The following IST1 variants were observed in gnomAD, a reference collection of about 807,000 sequenced individuals.
IST1 encodes the protein IST1 factor associated with ESCRT-III.
IST1 carries 23 observed loss-of-function variants against 37.0 expected under a neutral mutation model. That is an observed-to-expected ratio of 0.62 (90% CI 0.45 to 0.88). The LOEUF (loss-of-function observed/expected upper bound fraction) is 0.88. Ranked by LOEUF, IST1 falls within the 40% of genes least tolerant of loss-of-function variation. The pLI, the probability that IST1 is intolerant of heterozygous loss-of-function variation, is 0.00. For synonymous variants in IST1, 180 were observed against 161.7 expected, an observed-to-expected ratio of 1.11 and a Z score of -0.86; for missense variants, 488 against 445.4, an observed-to-expected ratio of 1.10 and a Z score of -0.86.
intron 1 of IST1, among the ~76,000 whole-genome samples, chr16:71,897,244 A>ACT (rs2142515491): frequency 1.4e-5 from 2 of 146,766 alleles, no homozygotes; most frequent in East Asian, 4.0e-4. Flanking sequence ...CTGGTCTTGA[A>ACT]CTCGTGGGCT....
In IST1 at chr16:71,922,380, C is replaced by T. The variant is rs960236090; in HGVS notation, c.553-94C>T. 4 of 1,034,948 alleles carry T rather than the reference C, an allele frequency of 3.9e-6. No homozygotes were observed. The African/African-American group carries it at 6.4e-5, about 16-fold the overall frequency. The allele number at this position is 1,034,948 out of a possible 1,614,324, so 64.1% of individuals were successfully genotyped here. A position where few individuals can be genotyped will look rare whatever the true frequency, so the allele number is the denominator to read the frequency against. On this transcript the variant is annotated intron_variant, in intron 6 of 9. Transcript: ENST00000378799. ...TTGATCCCAGAAGCACTCCAGTAAA[C>T]TTGCTTTATGCTAATCTCCATCTCA...
intron 4 of IST1, among the ~76,000 whole-genome samples, chr16:71,919,695 G>GTCATCCTTTAAATCT (rs1485048739): frequency 3.9e-5 from 6 of 152,138 alleles, no homozygotes; most frequent in Non-Finnish European, 8.8e-5. Context: ...CCTGGCCTTA[G>GTCATCCTTTAAATCT]TCATCCTTTA....
intron 1 of IST1, among the ~76,000 whole-genome samples, chr16:71,914,096 C>T (rs1180567609): frequency 9.4e-6 from 1 of 106,780 alleles, no homozygotes; most frequent in East Asian, 3.4e-4. Context: ...GCGTGAGCCA[C>T]TGCGCCCGGC....
At position 71,930,337 on chromosome 16, in the gene IST1, C is replaced by T. The variant is rs1567481783; in HGVS notation, c.*2524C>T. ...TCAAAAGATAATAAGAAGGAAAATACTTTTAAATGGACAGAAGAGCAGGAA... is the reference window on the plus strand; with the variant it reads ...TCAAAAGATAATAAGAAGGAAAATATTTTTAAATGGACAGAAGAGCAGGAA... On this transcript the variant is annotated 3_prime_UTR_variant, in exon 10 of 10. Transcript: ENST00000378799. 1.0e-5 allele frequency: 7 copies of T among 691,352 alleles called. No homozygotes were observed. Among genetic ancestry groups the T allele is most frequent in the Middle Eastern group, 4.0e-4 (1 of 2,476 alleles). 42.8% of individuals were successfully genotyped at this position (691,352 alleles called of 1,614,324 possible).
intron 1 of IST1, among the ~76,000 whole-genome samples, chr16:71,899,584 A>G (rs1314647871): frequency 1.3e-5 from 2 of 151,916 alleles, no homozygotes; most frequent in East Asian, 1.9e-4. Context: ...CAACAACAAA[A>G]GAAACCTCAG....
rs1360552833 is a variant in IST1 at position 71,920,790 on chromosome 16, A to G, written c.409A>G (p.Arg137Gly). 4 of 1,613,738 alleles carry G rather than the reference A, an allele frequency of 2.5e-6. No individual in the cohort carries two copies. The South Asian group carries it at 4.4e-5, about 18-fold the overall frequency. The stretch of plus-strand genomic sequence containing the variant: ...TAGCAAGGAATATGGCAAGCTATGT[A>G]GGACCAACCAGATTGGAACTGTGAA... ...KYSKEYGKLCRTNQIGTVNDR... is the reference protein window; with the variant it reads ...KYSKEYGKLCGTNQIGTVNDR... Residue 137 changes from arginine (R) to glycine (G), a missense_variant, in exon 5 of 10, where the codon AGG becomes GGG. Around this residue, in one of 2 missense-constraint regions of IST1, gnomAD observed 455 missense variants for 386.2 expected, o/e 1.18. Transcript: ENST00000378799.
chr16:71,916,392 G>A, intron 2 of IST1, 70 bp from the exon 3 acceptor site: 2 of 1,469,588 alleles, frequency 1.4e-6, no homozygotes, highest in Non-Finnish European at 1.9e-6. Context: ...TCCTGTTGGG[G>A]GGAGATTGGC....
intron 1 of IST1, among the ~76,000 whole-genome samples, chr16:71,895,856 A>G (rs1597225368): frequency 1.3e-5 from 2 of 152,144 alleles, no homozygotes; most frequent in Admixed American, 6.5e-5. Context: ...GGATCCTCGA[A>G]GCCCCTTAAC....
intron 1 of IST1, among the ~76,000 whole-genome samples, chr16:71,904,697 C>A (rs1356716801): frequency 6.6e-6 from 1 of 152,178 alleles, no homozygotes; most frequent in Non-Finnish European, 1.5e-5. Flanking sequence ...CATGAGCCAC[C>A]ATACCTGGCC....
chr16:71,915,553 T>C, intron 1 of IST1, 73 bp from the exon 2 acceptor site: 1 of 897,246 alleles, frequency 1.1e-6, no homozygotes, highest in Non-Finnish European at 1.7e-6. Flanking sequence ...TTCACATAAT[T>C]CACCCCTAAG....
Position 71,922,458 on chromosome 16 carries a change from TCTC to T in IST1, c.553-15_553-13del, listed in dbSNP as rs765961369. 1.9e-6 allele frequency: 3 copies of T among 1,610,354 alleles called. No individual in the cohort carries two copies. The highest frequency in any genetic ancestry group is 2.5e-6 in the Non-Finnish European group (3 of 1,177,006). ...TGGACATGGGTTAATGACCTGGGTT[TCTC>T]TTTTTTTCTCAGGCAGAAGCTCCTC... On this transcript the variant is annotated splice_polypyrimidine_tract_variant and intron_variant, in intron 6 of 9. Transcript: ENST00000378799.
At position 71,924,758 on chromosome 16, in the gene IST1, TTG is replaced by T. The variant is rs2037697471; in HGVS notation, c.853-7_853-6del. ...TTGCTGTCTCCTCTGGTAACAATCT[TTG>T]TGTTTCAGGTAGATGACATTAATGC... On this transcript the variant is annotated splice_polypyrimidine_tract_variant and intron_variant, in intron 8 of 9. Transcript: ENST00000378799. 2 of 1,600,296 alleles carry T rather than the reference TTG, an allele frequency of 1.2e-6. No individual in the cohort carries two copies. Among genetic ancestry groups the T allele is most frequent in the Non-Finnish European group, 1.7e-6 (2 of 1,167,404 alleles).
chr16:71,898,979 A>AAAAGAAAC (rs1244321255), intron 1 of IST1, among the ~76,000 whole-genome samples: 2 of 151,720 alleles, frequency 1.3e-5, no homozygotes, highest in East Asian at 3.9e-4. Context: ...AAAAAAAAAA[A>AAAAGAAAC]AAAAGAAACA....
intron 4 of IST1, among the ~76,000 whole-genome samples, chr16:71,919,756 A>G (rs1159452427): frequency 6.6e-6 from 1 of 152,150 alleles, no homozygotes. Flanking sequence ...GACTTTTCTG[A>G]TCAGATTTGA....
At chr16:71,906,483 A>T (rs1256992122) in intron 1 of IST1, among the ~76,000 whole-genome samples, 11 of 133,988 alleles carry the variant, frequency 8.2e-5, no homozygotes, top group African/African-American at 3.0e-4. Context: ...AATTTTTTGT[A>T]TTTTTTTTTT....
chr16:71,924,144 G>C (rs772643576), intron 8 of IST1: 2 of 455,916 alleles, frequency 4.4e-6, no homozygotes, highest in Admixed American at 2.4e-5. Context: ...TTTTGCATGC[G>C]TCACATAACC....
intron 8 of IST1, among the ~76,000 whole-genome samples, chr16:71,923,804 T>G (rs368316549): frequency 6.6e-6 from 1 of 152,166 alleles, no homozygotes; most frequent in African/African-American, 2.4e-5. Context: ...TAATCAGAAA[T>G]GTCCAGTTAC....
At chr16:71,926,931 T>TA (rs1330743151) in intron 9 of IST1, among the ~76,000 whole-genome samples, 5 of 152,258 alleles carry the variant, frequency 3.3e-5, no homozygotes, top group Admixed American at 1.3e-4. Flanking sequence ...TATATTCCTT[T>TA]AAAAAAACTT....
At chr16:71,907,378 T>C (rs934961547) in intron 1 of IST1, among the ~76,000 whole-genome samples, 3 of 151,552 alleles carry the variant, frequency 2.0e-5, no homozygotes, top group Non-Finnish European at 4.4e-5. Context: ...CCTGGGTTCA[T>C]GCCATTCTCC....
Sources: gnomAD v4.1 joint callset for allele counts (sites outside exome capture counted in the v4.1 genomes callset) on GRCh38, gnomAD v4.1.1 for gene constraint, gnomAD v4.1.1 regional missense constraint, MANE v1.5 for transcripts, NCBI Gene and HGNC (gene_info 2026-07-23, HGNC 2026-07-21) for gene names.